Variants in AIG1 observed in about 807,000 individuals in gnomAD.
AIG1 encodes the protein androgen-induced gene 1 protein.
Under a neutral mutation model 31.4 loss-of-function variants are expected in AIG1, and 23 were observed. That is an observed-to-expected ratio of 0.73 (90% CI 0.53 to 1.04). The LOEUF (loss-of-function observed/expected upper bound fraction) is 1.04, where lower values mean the gene tolerates loss of function less well. Among genes scored for constraint, AIG1 ranks in the 50% least tolerant of loss-of-function variants. The probability of loss-of-function intolerance (pLI) is 0.00; values close to 1 mark genes in which losing one functional copy is unlikely to be tolerated. For synonymous variants in AIG1, 100 were observed against 110.5 expected (o/e 0.90, Z 0.60); for missense variants, 274 against 295.0 (o/e 0.93, Z 0.52).
intron 4 of AIG1, among the ~76,000 whole-genome samples, chr6:143,320,675 C>T (rs920372883): frequency 6.6e-6 from 1 of 151,954 alleles, no homozygotes; most frequent in Non-Finnish European, 1.5e-5. Context: ...ATGGTGGTTA[C>T]CTGGGGCTGG....
At chr6:143,320,763 A>G (rs1776141357) in intron 4 of AIG1, among the ~76,000 whole-genome samples, 1 of 152,162 alleles carries the variant, frequency 6.6e-6, no homozygotes, top group South Asian at 2.1e-4. Context: ...ACTGTACAGC[A>G]TAAAAGCCGT....
Position 143,298,428 on chromosome 6 carries a change from T to G in AIG1, c.515+14203T>G, listed in dbSNP as rs1798593476. On this transcript the variant is annotated intron_variant, in intron 4 of 5. Coordinates refer to ENST00000357847, the MANE Select transcript of AIG1 (RefSeq NM_016108.4). The surrounding 1 kb of genome is among the most constrained non-coding windows in gnomAD (Gnocchi z 5.1). ...TAGAAAATGTATTATAAAGAAATAG[T>G]TAATATGAATACAAGGTGAAACAGT... 1.3e-5 allele frequency among the ~76,000 whole-genome samples: 2 copies of G among 152,204 alleles called. No individual in the cohort carries two copies. Among genetic ancestry groups the G allele is most frequent in the African/African-American group, 4.8e-5 (2 of 41,464 alleles).
chr6:143,074,738 C>G (rs1490381656), intron 1 of AIG1, among the ~76,000 whole-genome samples: 1 of 152,162 alleles, frequency 6.6e-6, no homozygotes, highest in Admixed American at 6.5e-5. Flanking sequence ...AGGTATTGCT[C>G]ATTTTAGATA....
intron 3 of AIG1, among the ~76,000 whole-genome samples, chr6:143,168,213 A>G (rs1209813393): frequency 6.6e-6 from 1 of 152,002 alleles, no homozygotes; most frequent in Non-Finnish European, 1.5e-5. Context: ...TAAAAATAGC[A>G]TTTTTAAATA....
At chr6:143,178,235 C>A (rs1399219328) in intron 3 of AIG1, among the ~76,000 whole-genome samples, 1 of 152,188 alleles carries the variant, frequency 6.6e-6, no homozygotes, top group Non-Finnish European at 1.5e-5. Context: ...CATGACTCTG[C>A]ATCCCTCTGG....
rs1371837552 is a variant in AIG1 at position 143,328,241 on chromosome 6, G to A, written c.516-5041G>A. Among the ~76,000 whole-genome samples the A allele has an allele frequency of 6.6e-6, 1 of 152,168 alleles. No homozygotes were observed. The highest frequency in any genetic ancestry group is 1.5e-5 in the Non-Finnish European group (1 of 68,028). ...TGCTGTGGGTGAAAGTGAGTACAAT[G>A]TACAGATATGGTGTCAGTGAATCTG... On this transcript the variant is annotated intron_variant, in intron 4 of 5. Transcript: ENST00000357847. The surrounding 1 kb of genome is among the most constrained non-coding windows in gnomAD (Gnocchi z 4.0).
rs1200978220 is a variant in AIG1, at chr6:143,268,413, G to C, written c.400-15697G>C. On this transcript the variant is annotated intron_variant, in intron 3 of 5. Coordinates refer to ENST00000357847, the MANE Select transcript of AIG1 (RefSeq NM_016108.4). This position sits in a 1 kb window ranked among gnomAD's most constrained non-coding sequence, Gnocchi z 5.0. ...ATTCAGCTGAATAAGGTGTTGAATA[G>C]CTACAAATTGATAACAAGTTTTAAA... Among the ~76,000 whole-genome samples, 1 of 152,102 alleles carries C rather than the reference G, an allele frequency of 6.6e-6. No homozygotes were observed.
chr6:143,114,123 A>G (rs1485919062), intron 1 of AIG1, among the ~76,000 whole-genome samples: 1 of 152,208 alleles, frequency 6.6e-6, no homozygotes, highest in East Asian at 1.9e-4. Context: ...AACCTAACAA[A>G]TAACCCAAAT....
chr6:143,182,027 T>G (rs1788774774), intron 3 of AIG1, among the ~76,000 whole-genome samples: 1 of 151,996 alleles, frequency 6.6e-6, no homozygotes, highest in South Asian at 2.1e-4. Flanking sequence ...TTTTTTCTTT[T>G]TTTTCTTTTT....
At position 143,115,439 on chromosome 6, in the gene AIG1, T is replaced by G. The variant is rs540585990; in HGVS notation, c.142-21396T>G. Among the ~76,000 whole-genome samples, 3 of 149,978 alleles carry G rather than the reference T, an allele frequency of 2.0e-5. No individual in the cohort carries two copies. In the South Asian group the frequency reaches 6.7e-4, roughly 34 times the overall value. On this transcript the variant is annotated intron_variant, in intron 1 of 5. Coordinates refer to ENST00000357847, the MANE Select transcript of AIG1 (RefSeq NM_016108.4). Reference sequence around the variant, plus strand: ...TTATTTATTACTTATACCATGGTATTTATTTATACCAGGGAGGGAAGATAA... The same window carrying G: ...TTATTTATTACTTATACCATGGTATGTATTTATACCAGGGAGGGAAGATAA...
chr6:143,116,322 T>C (rs1161655619), intron 1 of AIG1, among the ~76,000 whole-genome samples: 1 of 152,038 alleles, frequency 6.6e-6, no homozygotes, highest in Admixed American at 6.6e-5. Flanking sequence ...CAAAACATAC[T>C]TGTGGAATGA....
chr6:143,081,138 AAGGCTAT>A (rs1373608926), intron 1 of AIG1, among the ~76,000 whole-genome samples: 1 of 152,170 alleles, frequency 6.6e-6, no homozygotes, highest in East Asian at 1.9e-4. Context: ...GATTCTTAGT[AAGGCTAT>A]AGGCAACAGA....
At chr6:143,155,114 C>T (rs1785615342) in intron 2 of AIG1, among the ~76,000 whole-genome samples, 1 of 151,866 alleles carries the variant, frequency 6.6e-6, no homozygotes, top group Non-Finnish European at 1.5e-5. Flanking sequence ...CCACCTCAGC[C>T]TCCCAAAGTG....
intron 3 of AIG1, among the ~76,000 whole-genome samples, chr6:143,242,126 G>A (rs898283497): frequency 1.1e-4 from 16 of 152,134 alleles, no homozygotes; most frequent in African/African-American, 3.6e-4. Context: ...AGGGAGAAGG[G>A]CTTAGAATGA....
rs964393992 is a variant in AIG1 at position 143,143,713 on chromosome 6, A to T, written c.297+6723A>T. On this transcript the variant is annotated intron_variant, in intron 2 of 5. Coordinates refer to ENST00000357847, the MANE Select transcript of AIG1 (RefSeq NM_016108.4). ...TCACCTCTGAAGTTAAAAGTACATC[A>T]GCTAGGTCATGTTTTATGGTAGAAC... Among the ~76,000 whole-genome samples the T allele has an allele frequency of 1.1e-4, 17 of 151,804 alleles. 1 individual carries two copies. In the South Asian group the frequency reaches 2.5e-3, roughly 22 times the overall value.
At chr6:143,109,855 A>G (rs1355982300) in intron 1 of AIG1, among the ~76,000 whole-genome samples, 1 of 152,146 alleles carries the variant, frequency 6.6e-6, no homozygotes, top group Non-Finnish European at 1.5e-5. Flanking sequence ...ACATCTTTTG[A>G]TCAACTGAAG....
At chr6:143,162,611 T>C (rs955351940) in intron 2 of AIG1, among the ~76,000 whole-genome samples, 1 of 152,184 alleles carries the variant, frequency 6.6e-6, no homozygotes, top group Non-Finnish European at 1.5e-5. Context: ...TTATGTTATA[T>C]GGCAAAGGTG....
intron 3 of AIG1, among the ~76,000 whole-genome samples, chr6:143,221,600 G>T (rs1266344331): frequency 6.6e-6 from 1 of 151,992 alleles, no homozygotes; most frequent in African/African-American, 2.4e-5. Flanking sequence ...CTTTTACTTG[G>T]ATTATTGCAT....
At chr6:143,316,012 G>A (rs1245233516) in intron 4 of AIG1, among the ~76,000 whole-genome samples, 1 of 151,996 alleles carries the variant, frequency 6.6e-6, no homozygotes, top group Non-Finnish European at 1.5e-5. Flanking sequence ...AGAAATAGCA[G>A]TATATAGATA....
Sources: allele counts gnomAD v4.1 joint callset (sites outside exome capture counted in the v4.1 genomes callset), GRCh38; gene constraint gnomAD v4.1.1; non-coding constraint Gnocchi (gnomAD v3.1); transcripts MANE v1.5; gene names NCBI Gene and HGNC (gene_info 2026-07-23, HGNC 2026-07-21).